Variants in MYO1E observed in about 807,000 individuals in gnomAD.
MYO1E encodes the protein unconventional myosin-Ie.
In MYO1E, 68 loss-of-function variants were observed where a neutral mutation model predicts 151.1. The ratio of observed to expected loss-of-function variants is 0.45; its 90% CI spans 0.37 to 0.55. The LOEUF (loss-of-function observed/expected upper bound fraction) is 0.55. Ranked by LOEUF, MYO1E falls within the 20% of genes least tolerant of loss-of-function variation. The pLI is 0.00. For missense variants in MYO1E, 1,363 were observed against 1,389.3 expected (o/e 0.98, Z 0.30); for synonymous variants, 601 against 501.7 (o/e 1.20, Z -2.64).
In MYO1E at chr15:59,279,662, T is replaced by G. The variant is rs555147422; in HGVS notation, c.4-7213A>C. ...AGACTGACCATCAAACCACCCCCAA[T>G]CCTTTTAGGGGTAGAGCTGGTTTTA... On this transcript the variant is annotated intron_variant, in intron 1 of 27. Transcript: ENST00000288235. Among the ~76,000 whole-genome samples the G allele has an allele frequency of 2.1e-4, 32 of 152,100 alleles. 1 individual carries two copies. Among genetic ancestry groups the G allele is most frequent in the Non-Finnish European group, 4.4e-5 (3 of 68,002 alleles).
chr15:59,226,679 T>G (rs1049470305), intron 7 of MYO1E, among the ~76,000 whole-genome samples: 1 of 152,122 alleles, frequency 6.6e-6, no homozygotes, highest in Non-Finnish European at 1.5e-5. Context: ...TGGTGGCATG[T>G]GCCTATAGTC....
At chr15:59,235,737 A>G (rs1161200101) in intron 5 of MYO1E, among the ~76,000 whole-genome samples, 2 of 152,224 alleles carry the variant, frequency 1.3e-5, no homozygotes, top group Non-Finnish European at 2.9e-5. Flanking sequence ...TAAGTTTAAC[A>G]GATTTTGCTG....
intron 2 of MYO1E, among the ~76,000 whole-genome samples, chr15:59,261,939 T>C (rs971937937): frequency 7.9e-5 from 12 of 152,188 alleles, no homozygotes; most frequent in African/African-American, 2.7e-4. Context: ...TGATGGCTCA[T>C]GCCTGTAATC....
rs535169396 is a variant in MYO1E, at chr15:59,355,760, G to A, written c.3+16738C>T. Among the ~76,000 whole-genome samples, 24 of 152,090 alleles carry A rather than the reference G, an allele frequency of 1.6e-4. No homozygotes were observed. The South Asian group carries it at 4.6e-3, about 29-fold the overall frequency. ...AGACAGGCTCTGACTCTGTCACCCA[G>A]GCTGGAGTACAGTGGCATGATCAGG... On this transcript the variant is annotated intron_variant, in intron 1 of 27. Coordinates refer to ENST00000288235, the MANE Select transcript of MYO1E (RefSeq NM_004998.4).
chr15:59,350,249 G>C lies in MYO1E; in HGVS notation c.3+22249C>G, dbSNP rs2080816384. Among the ~76,000 whole-genome samples, 1 of 152,212 alleles carries C rather than the reference G, an allele frequency of 6.6e-6. No individual in the cohort carries two copies. Among genetic ancestry groups the C allele is most frequent in the African/African-American group, 2.4e-5 (1 of 41,450 alleles). ...TTCCCTGATCACCAGGCAGGCTCCTGCCTTTCCTCAGGGTGGAAGAGATCC... is the reference window on the plus strand; with the variant it reads ...TTCCCTGATCACCAGGCAGGCTCCTCCCTTTCCTCAGGGTGGAAGAGATCC... On this transcript the variant is annotated intron_variant, in intron 1 of 27. Transcript: ENST00000288235. The surrounding 1 kb of genome is among the most constrained non-coding windows in gnomAD (Gnocchi z 5.0).
At chr15:59,154,441 T>C (rs1391226700) in intron 25 of MYO1E, among the ~76,000 whole-genome samples, 2 of 152,238 alleles carry the variant, frequency 1.3e-5, no homozygotes, top group Non-Finnish European at 2.9e-5. Context: ...TGGGTTACAG[T>C]GGCAGGCTCC....
At chr15:59,210,898 A>G (rs1259366251) in intron 12 of MYO1E, among the ~76,000 whole-genome samples, 5 of 152,158 alleles carry the variant, frequency 3.3e-5, no homozygotes, top group African/African-American at 1.2e-4. Context: ...AAAAATCACA[A>G]AACTCTTAAA....
chr15:59,160,161 A>C (rs2079529340), intron 24 of MYO1E, among the ~76,000 whole-genome samples: 2 of 152,036 alleles, frequency 1.3e-5, no homozygotes, highest in Admixed American at 6.5e-5. Context: ...TATATAAGGC[A>C]TCTTCATGTG....
intron 17 of MYO1E, among the ~76,000 whole-genome samples, chr15:59,194,411 C>T (rs1384018538): frequency 6.6e-6 from 1 of 152,182 alleles, no homozygotes; most frequent in Non-Finnish European, 1.5e-5. Flanking sequence ...AAGGATCAGG[C>T]ATCATCTATC....
At chr15:59,352,356 C>G (rs576530815) in intron 1 of MYO1E, among the ~76,000 whole-genome samples, 1 of 152,124 alleles carries the variant, frequency 6.6e-6, no homozygotes, top group Non-Finnish European at 1.5e-5. Context: ...GTCCCTGTGC[C>G]GTAGTGCTTT....
At chr15:59,315,413 T>C (rs1400249111) in intron 1 of MYO1E, among the ~76,000 whole-genome samples, 1 of 151,636 alleles carries the variant, frequency 6.6e-6, no homozygotes, top group African/African-American at 2.4e-5. Flanking sequence ...CGGGGGAGAG[T>C]ATTAGGAAAA....
At chr15:59,224,342 C>T (rs1253902906) in intron 8 of MYO1E, among the ~76,000 whole-genome samples, 2 of 152,228 alleles carry the variant, frequency 1.3e-5, no homozygotes, top group South Asian at 2.1e-4. Flanking sequence ...CATAGACGTG[C>T]GGTTTGCTTA....
intron 1 of MYO1E, among the ~76,000 whole-genome samples, chr15:59,365,501 C>A (rs780921462): frequency 1.5e-4 from 23 of 152,112 alleles, no homozygotes; most frequent in Non-Finnish European, 2.8e-4. Context: ...TAGATCTGCA[C>A]TGGATCAGAT....
chr15:59,327,948 T>C lies in MYO1E; in HGVS notation c.3+44550A>G, dbSNP rs531692732. ...AGTGGGCAAAGGAACGTTTGCCACATTGACACCCTCTCCATCCCCAGCACT... is the reference window on the plus strand; with the variant it reads ...AGTGGGCAAAGGAACGTTTGCCACACTGACACCCTCTCCATCCCCAGCACT... On this transcript the variant is annotated intron_variant, in intron 1 of 27. Transcript: ENST00000288235. Among the ~76,000 whole-genome samples, 11 of 152,278 alleles carry C rather than the reference T, an allele frequency of 7.2e-5. No individual in the cohort carries two copies. In the East Asian group the frequency reaches 9.7e-4, roughly 13 times the overall value.
intron 22 of MYO1E, among the ~76,000 whole-genome samples, chr15:59,170,853 C>T (rs1019077262): frequency 6.6e-6 from 1 of 152,178 alleles, no homozygotes; most frequent in Non-Finnish European, 1.5e-5. Context: ...CAGCTTGGTA[C>T]ATCAGACGCC....
At chr15:59,370,037 C>T (rs1419712325) in intron 1 of MYO1E, among the ~76,000 whole-genome samples, 1 of 152,064 alleles carries the variant, frequency 6.6e-6, no homozygotes, top group Non-Finnish European at 1.5e-5. Flanking sequence ...TCTTGAACTC[C>T]TGGGCTCAAG....
intron 3 of MYO1E, among the ~76,000 whole-genome samples, chr15:59,258,895 C>T (rs1319527501): frequency 6.6e-6 from 1 of 151,136 alleles, no homozygotes; most frequent in African/African-American, 2.4e-5. Flanking sequence ...TTAGATCCAA[C>T]TTAAAATATG....
chr15:59,306,115 C>G (rs548188746), intron 1 of MYO1E, among the ~76,000 whole-genome samples: 86 of 152,304 alleles, frequency 5.6e-4, no homozygotes, highest in South Asian at 2.5e-3. Flanking sequence ...AAATTAAATT[C>G]AACCCCAGAA....
chr15:59,231,863 T>C, intron 5 of MYO1E, 72 bp from the exon 6 acceptor site: 2 of 1,507,188 alleles, frequency 1.3e-6, no homozygotes, highest in South Asian at 2.3e-5. Flanking sequence ...AAACTTTCTC[T>C]AAGGACCTGG....
Sources: allele counts gnomAD v4.1 joint callset (sites outside exome capture counted in the v4.1 genomes callset), GRCh38; gene constraint gnomAD v4.1.1; non-coding constraint Gnocchi (gnomAD v3.1); transcripts MANE v1.5; gene names NCBI Gene and HGNC (gene_info 2026-07-23, HGNC 2026-07-21).